The following GALNT5 variants were observed in gnomAD, a reference collection of about 807,000 sequenced individuals.
GALNT5 encodes the protein polypeptide N-acetylgalactosaminyltransferase 5.
Under a neutral mutation model 85.4 loss-of-function variants are expected in GALNT5, and 72 were observed. The observed-to-expected ratio is 0.84, with a 90% CI of 0.70 to 1.03. The LOEUF (loss-of-function observed/expected upper bound fraction) is 1.03. Ranked by LOEUF, GALNT5 falls within the 50% of genes least tolerant of loss-of-function variation. The pLI is 0.00. For missense variants in GALNT5, 1,137 were observed against 1,135.5 expected, an observed-to-expected ratio of 1.00 and a Z score of -0.02; for synonymous variants, 404 against 397.0, an observed-to-expected ratio of 1.02 and a Z score of -0.21.
intron 7 of GALNT5, chr2:157,302,023 T>C (rs1683353996): frequency 6.6e-6 from 1 of 152,250 alleles, no homozygotes; most frequent in South Asian, 2.1e-4. Context: ...ATATGATTAG[T>C]CAAGCCTTCA....
Position 157,305,740 on chromosome 2 carries a change from G to T in GALNT5, c.2440-9G>T. On this transcript the variant is annotated splice_polypyrimidine_tract_variant and intron_variant, in intron 7 of 9. Transcript: ENST00000259056. ...TTTTGTAATTCCTGTTTCGTATTTT[G>T]CTTTTTAGCTTATTAATGTGGCTTT... The T allele has an allele frequency of 6.6e-7, 1 of 1,515,912 alleles. No individual in the cohort carries two copies. Among genetic ancestry groups the T allele is most frequent in the Non-Finnish European group, 9.2e-7 (1 of 1,092,096 alleles). 93.9% of individuals were successfully genotyped at this position (1,515,912 alleles called of 1,614,324 possible).
intron 9 of GALNT5, among the ~76,000 whole-genome samples, chr2:157,310,992 G>C (rs555804862): frequency 4.6e-5 from 7 of 152,260 alleles, no homozygotes; most frequent in African/African-American, 1.7e-4. Flanking sequence ...GGACTTAAAA[G>C]TCTTATAGCT....
intron 8 of GALNT5, 91 bp from the exon 9 acceptor site, chr2:157,308,476 A>G (rs1446831632): frequency 2.3e-6 from 2 of 879,564 alleles, no homozygotes; most frequent in African/African-American, 1.7e-5. Context: ...CATAGTTCCT[A>G]TATTCTTAAC....
chr2:157,284,137 T>C, intron 1 of GALNT5, 145 bp from the exon 2 acceptor site: 1 of 628,456 alleles, frequency 1.6e-6, no homozygotes, highest in Non-Finnish European at 2.8e-6. Flanking sequence ...CATTGGTATA[T>C]ATAAATAGAT....
rs1288089376 is a variant in GALNT5, at chr2:157,317,198, A to AT, written c.*5861dup. 0.011 allele frequency among the ~76,000 whole-genome samples: 1,429 copies of AT among 132,946 alleles called. 9 individuals carry two copies. Among genetic ancestry groups the AT allele is most frequent in the African/African-American group, 0.019 (674 of 35,552 alleles). 87.2% of individuals were successfully genotyped at this position (132,946 alleles called of 152,430 possible). On this transcript the variant is annotated 3_prime_UTR_variant, in exon 10 of 10. Coordinates refer to ENST00000259056, the MANE Select transcript of GALNT5 (RefSeq NM_014568.3). Reference sequence around the variant, plus strand: ...TGTATATATATATATATATATATATATTTTTTTTTTTGATGCTTTGATCTG... The same window carrying AT: ...TGTATATATATATATATATATATATATTTTTTTTTTTTGATGCTTTGATCTG...
At chr2:157,280,273 C>T (rs1350472123) in intron 1 of GALNT5, among the ~76,000 whole-genome samples, 2 of 152,098 alleles carry the variant, frequency 1.3e-5, no homozygotes, top group Non-Finnish European at 2.9e-5. Context: ...AGACATTTAC[C>T]CTGAATTACC....
At position 157,317,442 on chromosome 2, in the gene GALNT5, CAT is replaced by C. The variant is rs953350702; in HGVS notation, c.*6095_*6096del. On this transcript the variant is annotated 3_prime_UTR_variant, in exon 10 of 10. Transcript: ENST00000259056. ...TTGTTATTTAGTTGAAGATTACACA[CAT>C]GTCTTCTGCTTCAAACAACTACCCC... Among the ~76,000 whole-genome samples, 28 of 151,906 alleles carry C rather than the reference CAT, an allele frequency of 1.8e-4. No individual in the cohort carries two copies. Among genetic ancestry groups the C allele is most frequent in the South Asian group, 6.2e-4 (3 of 4,834 alleles).
In GALNT5 at chr2:157,314,314, T is replaced by C. The variant is rs1374897492; in HGVS notation, c.*2966T>C. ...CCAACTTACCAAGCCATCTAAGTGC[T>C]TCTGAGACTTTTCAGTTTGCACAAT... is the stretch of plus-strand genomic sequence containing the variant. On this transcript the variant is annotated 3_prime_UTR_variant, in exon 10 of 10. Transcript: ENST00000259056. 1.3e-5 allele frequency: 2 copies of C among 152,206 alleles called. No individual in the cohort carries two copies. The highest frequency in any genetic ancestry group is 2.4e-5 in the African/African-American group (1 of 41,454). The allele number at this position is 152,206 out of a possible 1,614,324, so 9.4% of individuals were successfully genotyped here. A position where few individuals can be genotyped will look rare whatever the true frequency, so the allele number is the denominator to read the frequency against.
chr2:157,259,263 T>C lies in GALNT5; in HGVS notation c.1181T>C (p.Ile394Thr). The change falls in exon 1 of 10, where the codon ATC becomes ACC. Residue 394 changes from isoleucine to threonine, a missense_variant. Ile to Thr is a moderately conservative substitution (Grantham distance 89, BLOSUM62 -1). Coordinates refer to ENST00000259056, the MANE Select transcript of GALNT5 (RefSeq NM_014568.3). ...ALTGGLEPAK[I>T]NITAKAPSTE... ...ACTGGAGGGCTAGAGCCAGCAAAAA[T>C]CAACATAACTGCCAAAGCCCCCTCT... 1 of 1,611,022 alleles carries C rather than the reference T, an allele frequency of 6.2e-7. No homozygotes were observed. Among genetic ancestry groups the C allele is most frequent in the Non-Finnish European group, 8.5e-7 (1 of 1,178,730 alleles).
intron 1 of GALNT5, among the ~76,000 whole-genome samples, chr2:157,265,442 A>G (rs1682436098): frequency 6.6e-6 from 1 of 152,254 alleles, no homozygotes; most frequent in African/African-American, 2.4e-5. Flanking sequence ...GAAAACAGCT[A>G]AACAGTGCCT....
At position 157,305,245 on chromosome 2, in the gene GALNT5, G is replaced by T. The variant is rs567305280; in HGVS notation, c.2440-504G>T. The stretch of plus-strand genomic sequence containing the variant: ...ACTTTCCTATAATGAATTGTAGCTT[G>T]CTTGGGTCATTAAGAAGATTCTGAC... On this transcript the variant is annotated intron_variant, in intron 7 of 9. Coordinates refer to ENST00000259056, the MANE Select transcript of GALNT5 (RefSeq NM_014568.3). Among the ~76,000 whole-genome samples the T allele has an allele frequency of 6.6e-5, 10 of 152,222 alleles. No homozygotes were observed. The South Asian group carries it at 1.4e-3, about 22-fold the overall frequency.
At chr2:157,295,464 C>T (rs1397360073) in intron 3 of GALNT5, among the ~76,000 whole-genome samples, 199 bp from the exon 4 acceptor site, 1 of 151,732 alleles carries the variant, frequency 6.6e-6, no homozygotes, top group African/African-American at 2.4e-5. Flanking sequence ...TATGTTTGCA[C>T]CACAGGACTC....
intron 1 of GALNT5, among the ~76,000 whole-genome samples, chr2:157,283,016 A>G (rs1238621115): frequency 6.6e-6 from 1 of 152,224 alleles, no homozygotes; most frequent in Admixed American, 6.5e-5. Context: ...GTTATTTGGC[A>G]GAAGTGCCAG....
chr2:157,314,319 A>C lies in GALNT5; in HGVS notation c.*2971A>C, dbSNP rs996047354. On this transcript the variant is annotated 3_prime_UTR_variant, in exon 10 of 10. Coordinates refer to ENST00000259056, the MANE Select transcript of GALNT5 (RefSeq NM_014568.3). ...TTACCAAGCCATCTAAGTGCTTCTGAGACTTTTCAGTTTGCACAATTTCTT... is the reference window on the plus strand; with the variant it reads ...TTACCAAGCCATCTAAGTGCTTCTGCGACTTTTCAGTTTGCACAATTTCTT... 14 of 152,064 alleles carry C rather than the reference A, an allele frequency of 9.2e-5. No homozygotes were observed. The highest frequency in any genetic ancestry group is 3.4e-4 in the African/African-American group (14 of 41,396). The allele number at this position is 152,064 out of a possible 1,614,324, so 9.4% of individuals were successfully genotyped here. A position where few individuals can be genotyped will look rare whatever the true frequency, so the allele number is the denominator to read the frequency against.
Position 157,258,542 on chromosome 2 carries a change from T to G in GALNT5, c.460T>G (p.Ser154Ala). The G allele has an allele frequency of 6.2e-7, 1 of 1,612,688 alleles. No homozygotes were observed. The highest frequency in any genetic ancestry group is 8.5e-7 in the Non-Finnish European group (1 of 1,179,750). Residue 154 changes from serine (S) to alanine (A), a missense_variant, in exon 1 of 10, where the codon TCC (serine) becomes GCC (alanine). Physicochemically the swap from Ser to Ala is moderately conservative, Grantham distance 99 (BLOSUM62 1). Coordinates refer to ENST00000259056, the MANE Select transcript of GALNT5 (RefSeq NM_014568.3). ...TDGRGTKPEA[S>A]SHQGTPKQTT... The stretch of plus-strand genomic sequence containing the variant: ...CGGGAGAGGCACCAAACCTGAAGCC[T>G]CCTCTCACCAGGGGACACCAAAGCA...
intron 7 of GALNT5, among the ~76,000 whole-genome samples, chr2:157,303,427 C>T (rs765381333): frequency 3.9e-5 from 6 of 152,096 alleles, no homozygotes; most frequent in African/African-American, 7.2e-5. Context: ...ATAAATTGTG[C>T]GGAATGTCTA....
intron 1 of GALNT5, among the ~76,000 whole-genome samples, chr2:157,278,202 G>A (rs1271054315): frequency 6.6e-6 from 1 of 152,210 alleles, no homozygotes; most frequent in Non-Finnish European, 1.5e-5. Context: ...CCATTAGTCT[G>A]ATCGGCTTCC....
At chr2:157,286,507 T>C (rs1682975126) in intron 3 of GALNT5, among the ~76,000 whole-genome samples, 1 of 151,962 alleles carries the variant, frequency 6.6e-6, no homozygotes, top group African/African-American at 2.4e-5. Flanking sequence ...TTTTTGTTTT[T>C]GTTTTTGTTT....
At chr2:157,273,148 C>A (rs762379425) in intron 1 of GALNT5, among the ~76,000 whole-genome samples, 1 of 152,068 alleles carries the variant, frequency 6.6e-6, no homozygotes, top group African/African-American at 2.4e-5. Flanking sequence ...CCAATTCTCT[C>A]GTTGGGAAAC....
Sources: gnomAD v4.1 joint callset for allele counts (sites outside exome capture counted in the v4.1 genomes callset) on GRCh38, gnomAD v4.1.1 for gene constraint, MANE v1.5 for transcripts, NCBI Gene and HGNC (gene_info 2026-07-23, HGNC 2026-07-21) for gene names.